Variants in ZCCHC7 observed in about 807,000 individuals in gnomAD.
The protein encoded by ZCCHC7 is zinc finger CCHC domain-containing protein 7.
In ZCCHC7, 35 loss-of-function variants were observed where a neutral mutation model predicts 52.0. That is an observed-to-expected ratio of 0.67 (90% CI 0.51 to 0.89). The LOEUF is 0.89. ZCCHC7 is among the 40% of genes least tolerant of loss of function. ZCCHC7 has a pLI of 0.00. For missense variants in ZCCHC7, 574 were observed against 649.1 expected (o/e 0.88, Z 1.26); for synonymous variants, 217 against 221.5 (o/e 0.98, Z 0.18).
intron 2 of ZCCHC7, among the ~76,000 whole-genome samples, chr9:37,289,575 A>G (rs1173762614): frequency 6.6e-6 from 1 of 152,054 alleles, no homozygotes; most frequent in African/African-American, 2.4e-5. Flanking sequence ...TCTTTTTTGG[A>G]CTGAATTATT....
intron 1 of ZCCHC7, among the ~76,000 whole-genome samples, chr9:37,122,679 C>G (rs1005571886): frequency 6.6e-6 from 1 of 152,238 alleles, no homozygotes; most frequent in Non-Finnish European, 1.5e-5. Flanking sequence ...GTGGCTCACG[C>G]CTGTAATCCA....
chr9:37,313,116 G>T (rs1466486284), intron 5 of ZCCHC7, among the ~76,000 whole-genome samples: 1 of 152,158 alleles, frequency 6.6e-6, no homozygotes, highest in Non-Finnish European at 1.5e-5. Flanking sequence ...TTTGGAAATA[G>T]GAAAATCAGA....
intron 5 of ZCCHC7, among the ~76,000 whole-genome samples, chr9:37,309,175 G>A (rs568127144): frequency 1.3e-5 from 2 of 152,234 alleles, no homozygotes; most frequent in East Asian, 3.9e-4. Context: ...CACACCTGGT[G>A]TAGGATTCCC....
chr9:37,132,748 G>T (rs934337590), intron 2 of ZCCHC7, among the ~76,000 whole-genome samples: 1 of 152,072 alleles, frequency 6.6e-6, no homozygotes, highest in Non-Finnish European at 1.5e-5. Context: ...TTTTAAGTCC[G>T]GGGTGTCCAA....
intron 2 of ZCCHC7, among the ~76,000 whole-genome samples, chr9:37,153,254 T>C (rs892597491): frequency 6.6e-6 from 1 of 151,952 alleles, no homozygotes; most frequent in African/African-American, 2.4e-5. Flanking sequence ...CACTGCAACC[T>C]CCGCCTCCCA....
At chr9:37,141,602 G>A (rs2132773217) in intron 2 of ZCCHC7, among the ~76,000 whole-genome samples, 1 of 151,972 alleles carries the variant, frequency 6.6e-6, no homozygotes, top group African/African-American at 2.4e-5. Flanking sequence ...ATTTTATAGT[G>A]TAACCAAGTT....
intron 6 of ZCCHC7, among the ~76,000 whole-genome samples, chr9:37,347,845 C>T (rs1180373980): frequency 1.3e-5 from 2 of 152,210 alleles, no homozygotes; most frequent in Non-Finnish European, 2.9e-5. Context: ...GTCCTAATCT[C>T]ACTAGGCCTC....
chr9:37,227,537 C>T (rs1437194093), intron 2 of ZCCHC7, among the ~76,000 whole-genome samples: 1 of 152,128 alleles, frequency 6.6e-6, no homozygotes, highest in Non-Finnish European at 1.5e-5. Flanking sequence ...CTGGAAGAGT[C>T]TTTTCTAAAT....
chr9:37,340,807 A>C (rs992047888), intron 6 of ZCCHC7, among the ~76,000 whole-genome samples: 5 of 152,198 alleles, frequency 3.3e-5, no homozygotes, highest in African/African-American at 1.2e-4. Context: ...ATTAGGTAAG[A>C]TCTAGGCTGA....
intron 2 of ZCCHC7, among the ~76,000 whole-genome samples, chr9:37,201,512 AT>A (rs1823628762): frequency 2.0e-5 from 3 of 152,210 alleles, no homozygotes; most frequent in African/African-American, 4.8e-5. Flanking sequence ...GTAATAATAT[AT>A]TTTAAAGGTT....
intron 5 of ZCCHC7, among the ~76,000 whole-genome samples, chr9:37,306,653 C>A (rs370180832): frequency 7.2e-6 from 1 of 138,796 alleles, no homozygotes; most frequent in African/African-American, 2.7e-5. Context: ...TTAGTAGATA[C>A]GGGGTTTCAC....
intron 2 of ZCCHC7, among the ~76,000 whole-genome samples, chr9:37,224,280 C>T (rs1485534306): frequency 1.3e-5 from 2 of 152,042 alleles, no homozygotes; most frequent in African/African-American, 2.4e-5. Flanking sequence ...GTAATTGTTA[C>T]CAAAAGCCTT....
Position 37,302,175 on chromosome 9 carries a change from A to C in ZCCHC7, c.611-13A>C. The C allele has an allele frequency of 6.2e-7, 1 of 1,602,526 alleles. No homozygotes were observed. The highest frequency in any genetic ancestry group is 8.5e-7 in the Non-Finnish European group (1 of 1,172,316). On this transcript the variant is annotated splice_polypyrimidine_tract_variant and intron_variant, in intron 2 of 8. Transcript: ENST00000336755. The stretch of plus-strand genomic sequence containing the variant: ...AAGTGCCACGGTTAAGTAATAATTT[A>C]TTTGTTTTGTAGGAGAAGATGGTAT...
At chr9:37,273,827 T>TTGTC (rs150147273) in intron 2 of ZCCHC7, among the ~76,000 whole-genome samples, 7,697 of 151,996 alleles carry the variant, frequency 0.051, 630 homozygotes, top group African/African-American at 0.17. Context: ...TCCCTATGTG[T>TTGTC]TTTTTTTCTC....
chr9:37,286,409 T>C (rs1289447954), intron 2 of ZCCHC7, among the ~76,000 whole-genome samples: 1 of 152,154 alleles, frequency 6.6e-6, no homozygotes, highest in Non-Finnish European at 1.5e-5. Context: ...TGCCTATAAT[T>C]CCAGCACTTT....
At chr9:37,189,526 A>G (rs1822907237) in intron 2 of ZCCHC7, among the ~76,000 whole-genome samples, 1 of 152,168 alleles carries the variant, frequency 6.6e-6, no homozygotes, top group Non-Finnish European at 1.5e-5. Context: ...AGCTAGGATT[A>G]CAGGTGCACA....
At chr9:37,297,678 C>T (rs1221390041) in intron 2 of ZCCHC7, among the ~76,000 whole-genome samples, 2 of 152,168 alleles carry the variant, frequency 1.3e-5, no homozygotes, top group Non-Finnish European at 2.9e-5. Flanking sequence ...GTCTCTGGCA[C>T]CTGCGGTGTA....
intron 2 of ZCCHC7, among the ~76,000 whole-genome samples, chr9:37,285,206 A>C (rs1313724628): frequency 1.3e-5 from 2 of 152,120 alleles, no homozygotes; most frequent in African/African-American, 4.8e-5. Context: ...TCTATGGAAA[A>C]ATTTATCTTA....
chr9:37,132,380 AAAAAT>A (rs1842820569), intron 2 of ZCCHC7, among the ~76,000 whole-genome samples: 1 of 152,252 alleles, frequency 6.6e-6, no homozygotes, highest in Admixed American at 6.5e-5. Context: ...AAAAATATAC[AAAAAT>A]AAAATGTTAT....
Sources: gnomAD v4.1 joint callset for allele counts (sites outside exome capture counted in the v4.1 genomes callset) on GRCh38, gnomAD v4.1.1 for gene constraint, MANE v1.5 for transcripts, NCBI Gene and HGNC (gene_info 2026-07-23, HGNC 2026-07-21) for gene names.